Variants in GRIK4 observed in about 807,000 individuals in gnomAD.
The protein encoded by GRIK4 is glutamate ionotropic receptor kainate type subunit 4.
A neutral mutation model predicts 104.9 loss-of-function variants in GRIK4; 40 were observed. That is an observed-to-expected ratio of 0.38 (90% CI 0.30 to 0.50). The LOEUF is 0.50. Ranked by LOEUF, GRIK4 falls within the 20% of genes least tolerant of loss-of-function variation. The probability of loss-of-function intolerance (pLI) is 0.93; values close to 1 mark genes in which losing one functional copy is unlikely to be tolerated. For synonymous variants in GRIK4, 485 were observed against 524.9 expected (o/e 0.92, Z 1.04); for missense variants, 1,047 against 1,308.1 (o/e 0.80, Z 3.08).
chr11:120,859,663 C>G (rs1238992983), intron 8 of GRIK4, among the ~76,000 whole-genome samples: 2 of 152,242 alleles, frequency 1.3e-5, no homozygotes, highest in Admixed American at 1.3e-4. Flanking sequence ...TCCCTGCACC[C>G]TTGCCAAATG....
At chr11:120,965,386 G>A (rs367714416) in intron 18 of GRIK4, among the ~76,000 whole-genome samples, 19 of 152,302 alleles carry the variant, frequency 1.2e-4, no homozygotes, top group African/African-American at 3.8e-4. Flanking sequence ...TAGACAACTC[G>A]TTCATGTGTC....
At position 120,630,703 on chromosome 11, in the gene GRIK4, T is replaced by C. The variant is rs555983495; in HGVS notation, c.-158-22982T>C. ...CAAATGAACAAGTGATTTAAAATTA[T>C]CGTAGTCTACTTCAAAACTACTTTT... On this transcript the variant is annotated intron_variant, in intron 1 of 20. Coordinates refer to ENST00000527524, the MANE Select transcript of GRIK4 (RefSeq NM_014619.5). Among the ~76,000 whole-genome samples the C allele has an allele frequency of 4.6e-5, 7 of 152,366 alleles. No individual in the cohort carries two copies. In the South Asian group the frequency reaches 1.4e-3, roughly 32 times the overall value.
chr11:120,893,837 C>T (rs532971626), intron 11 of GRIK4, among the ~76,000 whole-genome samples: 2 of 152,254 alleles, frequency 1.3e-5, no homozygotes, highest in South Asian at 2.1e-4. Context: ...CCTAACTGAG[C>T]ATGGGCGGGC....
intron 9 of GRIK4, chr11:120,872,589 A>T (rs1369746265): frequency 1.3e-5 from 2 of 153,412 alleles, no homozygotes; most frequent in African/African-American, 4.8e-5. Flanking sequence ...CAGTGATGGA[A>T]TGTCGTGTTT....
intron 1 of GRIK4, among the ~76,000 whole-genome samples, chr11:120,578,935 G>A (rs927467756): frequency 3.9e-5 from 6 of 152,234 alleles, no homozygotes; most frequent in Non-Finnish European, 5.9e-5. Context: ...GCTGTCAGAA[G>A]TTGCGGGTTA....
intron 8 of GRIK4, among the ~76,000 whole-genome samples, chr11:120,852,590 T>A (rs1297914808): frequency 6.6e-6 from 1 of 152,174 alleles, no homozygotes; most frequent in East Asian, 1.9e-4. Flanking sequence ...CTGGGAGATT[T>A]AGGACCAAAT....
At chr11:120,820,259 T>A (rs1953080535) in intron 6 of GRIK4, among the ~76,000 whole-genome samples, 1 of 152,148 alleles carries the variant, frequency 6.6e-6, no homozygotes, top group Non-Finnish European at 1.5e-5. Flanking sequence ...CCGCCAAGCC[T>A]TTTTGCATCT....
intron 3 of GRIK4, among the ~76,000 whole-genome samples, chr11:120,674,816 T>G (rs1227561055): frequency 6.6e-6 from 1 of 152,234 alleles, no homozygotes; most frequent in Non-Finnish European, 1.5e-5. Flanking sequence ...GTTATGGAGC[T>G]GCTCCAAGGG....
intron 1 of GRIK4, among the ~76,000 whole-genome samples, chr11:120,607,268 A>G (rs1251726185): frequency 6.6e-6 from 1 of 152,222 alleles, no homozygotes; most frequent in African/African-American, 2.4e-5. Context: ...CCCTGAGAAA[A>G]TGACTTGTAT....
At chr11:120,692,363 G>A (rs1222533441) in intron 3 of GRIK4, among the ~76,000 whole-genome samples, 1 of 152,218 alleles carries the variant, frequency 6.6e-6, no homozygotes, top group African/African-American at 2.4e-5. Context: ...TCTTTGTGCT[G>A]AGTGCTGGGG....
intron 7 of GRIK4, among the ~76,000 whole-genome samples, chr11:120,834,238 G>C (rs1042348498): frequency 1.3e-5 from 2 of 150,992 alleles, no homozygotes; most frequent in Non-Finnish European, 2.9e-5. Flanking sequence ...CCAATACTGG[G>C]TATGTTAATT....
intron 11 of GRIK4, among the ~76,000 whole-genome samples, chr11:120,883,597 A>G (rs1955029691): frequency 6.6e-6 from 1 of 152,198 alleles, no homozygotes. Context: ...TTCCTGGCCC[A>G]TGTAAGTCTG....
chr11:120,825,505 G>A (rs1478462907), intron 6 of GRIK4, among the ~76,000 whole-genome samples: 1 of 152,204 alleles, frequency 6.6e-6, no homozygotes, highest in Non-Finnish European at 1.5e-5. Flanking sequence ...ATGAGGCAAG[G>A]CCAGACCTGG....
intron 3 of GRIK4, among the ~76,000 whole-genome samples, chr11:120,735,887 C>G (rs546178256): frequency 2.0e-5 from 3 of 152,274 alleles, no homozygotes; most frequent in Admixed American, 2.0e-4. Context: ...TCTCAGTCAG[C>G]TTGTGGTGAA....
chr11:120,892,844 G>A (rs1230742292), intron 11 of GRIK4, among the ~76,000 whole-genome samples: 3 of 152,100 alleles, frequency 2.0e-5, no homozygotes, highest in Non-Finnish European at 2.9e-5. Flanking sequence ...CCTTGTCTAG[G>A]CTCTCCTTAA....
At chr11:120,628,643 C>G (rs1467192033) in intron 1 of GRIK4, among the ~76,000 whole-genome samples, 1 of 152,140 alleles carries the variant, frequency 6.6e-6, no homozygotes, top group African/African-American at 2.4e-5. Context: ...GCCTGTTTCA[C>G]TGATGGGTGG....
chr11:120,660,210 T>G, intron 2 of GRIK4, 59 bp from the exon 3 acceptor site: 1 of 743,558 alleles, frequency 1.3e-6, no homozygotes, highest in African/African-American at 1.7e-5. Flanking sequence ...ACTGGGATGG[T>G]GGGGCAGCTG....
At chr11:120,722,384 C>T (rs1470841030) in intron 3 of GRIK4, among the ~76,000 whole-genome samples, 1 of 151,872 alleles carries the variant, frequency 6.6e-6, no homozygotes, top group Non-Finnish European at 1.5e-5. Flanking sequence ...TTTGGGAGGC[C>T]GAGGCAGGTG....
chr11:120,853,768 G>A (rs1231016365), intron 8 of GRIK4, among the ~76,000 whole-genome samples: 1 of 152,194 alleles, frequency 6.6e-6, no homozygotes. Context: ...AATATTTTAA[G>A]AAATTAGAAT....
Sources: allele counts gnomAD v4.1 joint callset (sites outside exome capture counted in the v4.1 genomes callset), GRCh38; gene constraint gnomAD v4.1.1; transcripts MANE v1.5; gene names NCBI Gene and HGNC (gene_info 2026-07-23, HGNC 2026-07-21).